The following PDE10A variants were observed in gnomAD, a reference collection of about 807,000 sequenced individuals.
The protein encoded by PDE10A is cAMP and cAMP-inhibited cGMP 3',5'-cyclic phosphodiesterase 10A.
PDE10A carries 39 observed loss-of-function variants against 97.7 expected under a neutral mutation model. That is an observed-to-expected ratio of 0.40 (90% CI 0.31 to 0.52). The LOEUF (loss-of-function observed/expected upper bound fraction) is 0.52. Among genes scored for constraint, PDE10A ranks in the 20% least tolerant of loss-of-function variants. The pLI is 0.56. For missense variants in PDE10A, 731 were observed against 1,047.8 expected (o/e 0.70, Z 4.17); for synonymous variants, 371 against 376.8 (o/e 0.98, Z 0.18).
intron 3 of PDE10A, among the ~76,000 whole-genome samples, chr6:165,455,860 CT>C (rs1447532865): frequency 1.3e-5 from 2 of 152,050 alleles, no homozygotes; most frequent in African/African-American, 4.8e-5. Flanking sequence ...GCCAAAACTT[CT>C]CAGTTATTTT....
At chr6:165,892,918 T>G (rs1303135814) in intron 1 of PDE10A, among the ~76,000 whole-genome samples, 1 of 152,178 alleles carries the variant, frequency 6.6e-6, no homozygotes, top group Non-Finnish European at 1.5e-5. Context: ...CCTCAGCTCC[T>G]ACTCGCTCCA....
intron 1 of PDE10A, among the ~76,000 whole-genome samples, chr6:165,862,433 T>C (rs1780930214): frequency 6.6e-6 from 1 of 152,100 alleles, no homozygotes; most frequent in African/African-American, 2.4e-5. Flanking sequence ...GTCTTGAAAA[T>C]AGGTTCACAA....
chr6:165,365,378 A>T (rs1783705884), intron 18 of PDE10A, among the ~76,000 whole-genome samples: 1 of 152,190 alleles, frequency 6.6e-6, no homozygotes. Context: ...AAGACACTGA[A>T]AGTTTGTTAA....
At chr6:165,360,354 G>A (rs556024539) in intron 18 of PDE10A, among the ~76,000 whole-genome samples, 8 of 152,236 alleles carry the variant, frequency 5.3e-5, no homozygotes, top group Non-Finnish European at 7.4e-5. Flanking sequence ...CACATCTCCC[G>A]GATTCTACCC....
intron 7 of PDE10A, among the ~76,000 whole-genome samples, chr6:165,431,857 G>C (rs534639151): frequency 2.6e-4 from 39 of 151,912 alleles, no homozygotes; most frequent in Non-Finnish European, 4.3e-4. Context: ...ATTGTTAAGA[G>C]AGCTGTAGCC....
intron 1 of PDE10A, among the ~76,000 whole-genome samples, chr6:165,924,847 A>G (rs1782882228): frequency 6.6e-6 from 1 of 152,192 alleles, no homozygotes; most frequent in African/African-American, 2.4e-5. Flanking sequence ...GATCTTTGGG[A>G]CCTAGGGCCA....
chr6:165,588,780 C>G (rs185624219), intron 1 of PDE10A, among the ~76,000 whole-genome samples: 1 of 152,242 alleles, frequency 6.6e-6, no homozygotes, highest in East Asian at 1.9e-4. Context: ...CAGATGTGAG[C>G]TTGAATCTCT....
In PDE10A at chr6:165,661,890, G is replaced by A; in HGVS notation, c.865+57C>T. ...ACCCAGCAGTCCAAGCCCCCCACCT[G>A]CCCCCAGGGGATGAGGAGCCGCCCC... On this transcript the variant is annotated intron_variant, in intron 1 of 21. Transcript: ENST00000539869. This position sits in a 1 kb window ranked among gnomAD's most constrained non-coding sequence, Gnocchi z 4.8. 1.3e-6 allele frequency: 1 copy of A among 751,482 alleles called. No individual in the cohort carries two copies. Among genetic ancestry groups the A allele is most frequent in the South Asian group, 1.5e-5 (1 of 65,206 alleles). The allele number at this position is 751,482 out of a possible 1,614,324, so 46.6% of individuals were successfully genotyped here.
intron 1 of PDE10A, among the ~76,000 whole-genome samples, chr6:165,895,191 T>C (rs1781910880): frequency 8.8e-6 from 1 of 113,984 alleles, no homozygotes; most frequent in Non-Finnish European, 1.9e-5. Context: ...GCAAGTTTAT[T>C]TGGAAATAGG....
chr6:165,580,436 G>A (rs1455843969), intron 1 of PDE10A, among the ~76,000 whole-genome samples: 1 of 152,146 alleles, frequency 6.6e-6, no homozygotes, highest in Admixed American at 6.5e-5. Context: ...TAGAAATGAG[G>A]CTGGTTTTTG....
chr6:165,797,273 G>A (rs1206671473), intron 1 of PDE10A, among the ~76,000 whole-genome samples: 1 of 152,176 alleles, frequency 6.6e-6, no homozygotes, highest in Non-Finnish European at 1.5e-5. Context: ...TCTCTATTGT[G>A]TAGGTATAGT....
chr6:165,364,223 G>A (rs1783616218), intron 18 of PDE10A, among the ~76,000 whole-genome samples: 1 of 152,142 alleles, frequency 6.6e-6, no homozygotes, highest in Non-Finnish European at 1.5e-5. Flanking sequence ...TTGGAGGTGG[G>A]ACTTTTGGAA....
intron 16 of PDE10A, 105 bp downstream of exon 16, chr6:165,392,541 G>T: frequency 9.1e-7 from 1 of 1,095,814 alleles, no homozygotes; most frequent in Non-Finnish European, 1.3e-6. Context: ...GCCAAAATTT[G>T]TCTTGGAATA....
intron 1 of PDE10A, among the ~76,000 whole-genome samples, chr6:165,672,249 A>C: frequency 6.6e-6 from 1 of 152,176 alleles, no homozygotes; most frequent in East Asian, 1.9e-4. Context: ...CCTGCCAAAA[A>C]CCTTTAAGAA....
chr6:165,541,148 T>C (rs1458812008), intron 2 of PDE10A, among the ~76,000 whole-genome samples: 1 of 152,184 alleles, frequency 6.6e-6, no homozygotes, highest in Non-Finnish European at 1.5e-5. Context: ...GGTTCCTTTT[T>C]ATATACTTCC....
chr6:165,873,142 G>A (rs1404212774), intron 1 of PDE10A, among the ~76,000 whole-genome samples: 1 of 152,136 alleles, frequency 6.6e-6, no homozygotes, highest in African/African-American at 2.4e-5. Flanking sequence ...TCCCCCCAAA[G>A]CCCCAGGCTT....
intron 1 of PDE10A, among the ~76,000 whole-genome samples, chr6:165,833,877 C>T (rs1300311395): frequency 6.6e-6 from 1 of 152,216 alleles, no homozygotes; most frequent in Non-Finnish European, 1.5e-5. Flanking sequence ...GAAATGCCAT[C>T]AGCCAAAAGG....
At chr6:165,747,666 A>G (rs972887283) in intron 1 of PDE10A, among the ~76,000 whole-genome samples, 6 of 152,184 alleles carry the variant, frequency 3.9e-5, no homozygotes, top group Non-Finnish European at 7.4e-5. Context: ...CTGAAGGCAG[A>G]AAGAAAATGA....
chr6:165,513,263 A>G (rs1781603208), intron 2 of PDE10A, among the ~76,000 whole-genome samples: 1 of 152,020 alleles, frequency 6.6e-6, no homozygotes. Flanking sequence ...TGTTTATATA[A>G]TGTATGAATA....
Sources: gnomAD v4.1 joint callset for allele counts (sites outside exome capture counted in the v4.1 genomes callset) on GRCh38, gnomAD v4.1.1 for gene constraint, Gnocchi (gnomAD v3.1) non-coding constraint, MANE v1.5 for transcripts, NCBI Gene and HGNC (gene_info 2026-07-23, HGNC 2026-07-21) for gene names.